C12orf42: variants seen among roughly 807,000 people sequenced by gnomAD.
C12orf42 encodes the protein chromosome 12 open reading frame 42, also known as uncharacterized protein C12orf42.
Under a neutral mutation model 21.6 loss-of-function variants are expected in C12orf42, and 25 were observed. The ratio of observed to expected loss-of-function variants is 1.16; its 90% CI spans 0.84 to 1.62. C12orf42 has a LOEUF of 1.62. Among genes scored for constraint, C12orf42 ranks in the 40% most tolerant of loss-of-function variants. The probability of loss-of-function intolerance (pLI) is 0.00; values close to 1 mark genes in which losing one functional copy is unlikely to be tolerated. For missense variants in C12orf42, 483 were observed against 459.3 expected (o/e 1.05, Z -0.47); for synonymous variants, 174 against 175.0 (o/e 0.99, Z 0.05).
chr12:103,338,128 A>G (rs1027412705), intron 4 of C12orf42, among the ~76,000 whole-genome samples: 8 of 152,230 alleles, frequency 5.3e-5, no homozygotes, highest in Admixed American at 1.3e-4. Context: ...GGTAGCTACT[A>G]AACAGTTGAG....
the C12orf42 span, among the ~76,000 whole-genome samples, chr12:103,182,528 C>A: frequency 6.6e-6 from 1 of 152,110 alleles, no homozygotes; most frequent in Admixed American, 6.6e-5. Context: ...TAGCAGGTAA[C>A]CTAAGGCAAG....
downstream of C12orf42, among the ~76,000 whole-genome samples, chr12:103,300,830 A>G (rs780509415): frequency 1.3e-5 from 2 of 152,210 alleles, no homozygotes; most frequent in Non-Finnish European, 2.9e-5. Context: ...ATCCTCAGGA[A>G]ACCACAGCAA....
chr12:103,444,718 C>T (rs1378020100), intron 2 of C12orf42, among the ~76,000 whole-genome samples: 1 of 152,052 alleles, frequency 6.6e-6, no homozygotes, highest in East Asian at 1.9e-4. Context: ...TATACTTGCA[C>T]AAATAAGCAA....
chr12:103,187,294 C>A, the C12orf42 span, among the ~76,000 whole-genome samples: 1 of 152,160 alleles, frequency 6.6e-6, no homozygotes, highest in Non-Finnish European at 1.5e-5. Context: ...GGAATAAGTA[C>A]AATTAACTGC....
intron 10 of C12orf42, among the ~76,000 whole-genome samples, chr12:103,255,680 TTAAACTTGCC>T (rs1044098104): frequency 6.6e-6 from 1 of 152,080 alleles, no homozygotes; most frequent in African/African-American, 2.4e-5. Context: ...ATATTTTGAT[TTAAACTTGCC>T]TAGTACATTT....
chr12:103,232,401 C>A, the C12orf42 span, among the ~76,000 whole-genome samples: 15,434 of 152,008 alleles, frequency 0.1, 859 homozygotes, highest in East Asian at 0.21. Flanking sequence ...ATGTACATTT[C>A]TCTCATGTTA....
chr12:103,423,847 T>A (rs746770699), intron 2 of C12orf42, among the ~76,000 whole-genome samples: 3 of 152,234 alleles, frequency 2.0e-5, no homozygotes, highest in Non-Finnish European at 2.9e-5. Flanking sequence ...CGGCATCCCC[T>A]GTAAAGATAA....
chr12:103,388,839 C>T (rs564854008), intron 3 of C12orf42, among the ~76,000 whole-genome samples: 14 of 152,332 alleles, frequency 9.2e-5, no homozygotes, highest in African/African-American at 1.9e-4. Flanking sequence ...CTGCCTCCTC[C>T]GCCTCCTCCT....
At chr12:103,328,523 C>T (rs79713600) in intron 4 of C12orf42, among the ~76,000 whole-genome samples, 12,137 of 152,234 alleles carry the variant, frequency 0.08, 499 homozygotes, top group East Asian at 0.18. Context: ...TCATCCAGTA[C>T]GTCCTTCACC....
intron 6 of C12orf42, among the ~76,000 whole-genome samples, chr12:103,269,117 T>A (rs1520191): frequency 6.6e-6 from 1 of 151,956 alleles, no homozygotes; most frequent in Non-Finnish European, 1.5e-5. Flanking sequence ...GTCTTCATTA[T>A]CTTTGTAGTG....
downstream of C12orf42, among the ~76,000 whole-genome samples, chr12:103,265,129 C>CT (rs1566003853): frequency 6.6e-6 from 1 of 152,124 alleles, no homozygotes; most frequent in Admixed American, 6.6e-5. Context: ...TAGAGGGTCT[C>CT]TTTTATAAGG....
At chr12:103,305,892 T>G in intron 5 of C12orf42, 82 bp downstream of exon 5, 1 of 1,470,834 alleles carries the variant, frequency 6.8e-7, no homozygotes, top group Non-Finnish European at 9.1e-7. Context: ...GAAGTCAATA[T>G]TTTTTCTGTT....
At chr12:103,330,184 T>C (rs1310176217) in intron 4 of C12orf42, among the ~76,000 whole-genome samples, 1 of 152,226 alleles carries the variant, frequency 6.6e-6, no homozygotes, top group East Asian at 1.9e-4. Flanking sequence ...TTTATAGTGT[T>C]TAATTGGGAT....
chr12:103,369,308 T>G (rs965065447), intron 3 of C12orf42, among the ~76,000 whole-genome samples: 4 of 151,848 alleles, frequency 2.6e-5, no homozygotes, highest in African/African-American at 9.7e-5. Context: ...AGAGGAGAAG[T>G]CTCTGCCCTC....
At chr12:103,296,052 C>T (rs36136188) in intron 4 of C12orf42, among the ~76,000 whole-genome samples, 7,743 of 139,002 alleles carry the variant, frequency 0.056, 532 homozygotes, top group African/African-American at 0.17. Context: ...TGTGATGTTC[C>T]GCTTCCTGTG....
At chr12:103,294,546 A>C (rs575682504) in intron 4 of C12orf42, among the ~76,000 whole-genome samples, 172 of 146,552 alleles carry the variant, frequency 1.2e-3, no homozygotes, top group African/African-American at 1.8e-3. Context: ...AGCAAGCAAG[A>C]AAGAAAGAAA....
intron 2 of C12orf42, among the ~76,000 whole-genome samples, chr12:103,461,550 A>T (rs918388312): frequency 2.0e-5 from 3 of 152,238 alleles, no homozygotes; most frequent in Admixed American, 1.3e-4. Context: ...TGTGTTTGTG[A>T]TGTCTACATT....
chr12:103,136,341 GA>G, the C12orf42 span, among the ~76,000 whole-genome samples: 1 of 151,944 alleles, frequency 6.6e-6, no homozygotes, highest in South Asian at 2.1e-4. Flanking sequence ...AACCTCCATA[GA>G]AAAAAACTAC....
chr12:103,195,337 G>C, the C12orf42 span, among the ~76,000 whole-genome samples: 2 of 152,138 alleles, frequency 1.3e-5, no homozygotes, highest in Admixed American at 6.5e-5. Context: ...GTTGAATGAT[G>C]GTTCTGTTTT....
Sources: gnomAD v4.1 joint callset for allele counts (sites outside exome capture counted in the v4.1 genomes callset) on GRCh38, gnomAD v4.1.1 for gene constraint, MANE v1.5 for transcripts, NCBI Gene and HGNC (gene_info 2026-07-23, HGNC 2026-07-21) for gene names.